The following FOXJ3 variants were observed in gnomAD, a reference collection of about 807,000 sequenced individuals.
FOXJ3 encodes forkhead box J3, also known as forkhead box protein J3.
A neutral mutation model predicts 76.1 loss-of-function variants in FOXJ3; 22 were observed. The ratio of observed to expected loss-of-function variants is 0.29; its 90% confidence interval spans 0.21 to 0.41. The LOEUF is 0.41. FOXJ3 is among the 10% of genes least tolerant of loss of function. FOXJ3 has a pLI of 1.00. For missense variants in FOXJ3, 613 were observed against 762.1 expected (o/e 0.80, Z 2.30); for synonymous variants, 269 against 261.2 (o/e 1.03, Z -0.29).
At chr1:42,181,831 T>C in intron 12 of FOXJ3, 86 bp downstream of exon 12, 1 of 799,302 alleles carries the variant, frequency 1.3e-6, no homozygotes, top group Non-Finnish European at 2.0e-6. Context: ...ACACACACTC[T>C]CTCTCTCACC....
chr1:42,226,631 C>T (rs1647596992), intron 5 of FOXJ3, among the ~76,000 whole-genome samples: 1 of 152,232 alleles, frequency 6.6e-6, no homozygotes, highest in South Asian at 2.1e-4. Flanking sequence ...TTTTGTCTAG[C>T]TCTGTTACCA....
intron 7 of FOXJ3, among the ~76,000 whole-genome samples, chr1:42,197,084 G>A (rs1298627269): frequency 6.6e-6 from 1 of 152,128 alleles, no homozygotes; most frequent in African/African-American, 2.4e-5. Context: ...TGCATATCAA[G>A]GAACGTCTTT....
intron 6 of FOXJ3, among the ~76,000 whole-genome samples, chr1:42,200,403 C>T (rs1375589525): frequency 6.6e-6 from 1 of 152,072 alleles, no homozygotes; most frequent in Non-Finnish European, 1.5e-5. Flanking sequence ...TTTTGTGCAA[C>T]AGAGCTTTAT....
At chr1:42,297,833 C>T (rs1475654137) in intron 2 of FOXJ3, among the ~76,000 whole-genome samples, 2 of 152,164 alleles carry the variant, frequency 1.3e-5, no homozygotes, top group Non-Finnish European at 2.9e-5. Flanking sequence ...AGGAATTACT[C>T]CTCCTCAATT....
chr1:42,322,657 C>T (rs987449159), intron 1 of FOXJ3, among the ~76,000 whole-genome samples: 7 of 151,890 alleles, frequency 4.6e-5, no homozygotes, highest in Middle Eastern at 3.2e-3. Context: ...CTAAGGATGA[C>T]TAGTACTTCT....
At chr1:42,324,328 T>C (rs1655694094) in intron 1 of FOXJ3, among the ~76,000 whole-genome samples, 1 of 133,246 alleles carries the variant, frequency 7.5e-6, no homozygotes. Context: ...ACGAGATATA[T>C]AACATATACA....
intron 4 of FOXJ3, among the ~76,000 whole-genome samples, chr1:42,256,906 A>G (rs898321557): frequency 6.6e-6 from 1 of 152,252 alleles, no homozygotes; most frequent in African/African-American, 2.4e-5. Flanking sequence ...AACAAGTGAT[A>G]TATGTAGCAG....
At chr1:42,249,926 A>T (rs1306911117) in intron 4 of FOXJ3, among the ~76,000 whole-genome samples, 4 of 152,224 alleles carry the variant, frequency 2.6e-5, no homozygotes, top group Non-Finnish European at 5.9e-5. Flanking sequence ...TTATACTGAA[A>T]TGTGAGCTGG....
intron 2 of FOXJ3, among the ~76,000 whole-genome samples, chr1:42,294,150 C>T (rs1036019946): frequency 1.3e-5 from 2 of 152,136 alleles, no homozygotes; most frequent in African/African-American, 4.8e-5. Flanking sequence ...CCATTCAATA[C>T]CCAATGATCA....
chr1:42,223,529 A>G (rs1172458200), intron 5 of FOXJ3, among the ~76,000 whole-genome samples: 1 of 152,186 alleles, frequency 6.6e-6, no homozygotes, highest in African/African-American at 2.4e-5. Context: ...TGTGTCTCCA[A>G]GTGGAACATC....
chr1:42,198,002 C>T (rs1010217047), intron 7 of FOXJ3, among the ~76,000 whole-genome samples: 4 of 151,636 alleles, frequency 2.6e-5, no homozygotes, highest in African/African-American at 4.8e-5. Flanking sequence ...ATTTTCAATC[C>T]AATGTTTGGT....
intron 6 of FOXJ3, among the ~76,000 whole-genome samples, chr1:42,200,818 A>T (rs1311557080): frequency 6.6e-6 from 1 of 151,846 alleles, no homozygotes; most frequent in Non-Finnish European, 1.5e-5. Context: ...GGTCATTTAG[A>T]TTCTCATTTT....
intron 4 of FOXJ3, among the ~76,000 whole-genome samples, chr1:42,257,737 CAA>C (rs10660267): frequency 7.6e-6 from 1 of 131,982 alleles, no homozygotes. Flanking sequence ...GACTCTGTCT[CAA>C]AAAAAAAAAA....
At chr1:42,187,539 C>T (rs781087830) in intron 11 of FOXJ3, among the ~76,000 whole-genome samples, 20 of 152,028 alleles carry the variant, frequency 1.3e-4, no homozygotes, top group Non-Finnish European at 2.5e-4. Flanking sequence ...AAAGAAGACA[C>T]GCTGTCCATC....
chr1:42,180,202 G>A (rs939926293), intron 12 of FOXJ3, among the ~76,000 whole-genome samples: 1 of 152,202 alleles, frequency 6.6e-6, no homozygotes, highest in African/African-American at 2.4e-5. Flanking sequence ...TGGCTCCCAT[G>A]AGAATGGTAA....
chr1:42,238,139 T>G (rs1648846594), intron 4 of FOXJ3, among the ~76,000 whole-genome samples: 1 of 152,010 alleles, frequency 6.6e-6, no homozygotes, highest in African/African-American at 2.4e-5. Context: ...TTCAAGCAAT[T>G]CTCCCACCTC....
At chr1:42,235,141 T>G (rs1392762006) in intron 4 of FOXJ3, among the ~76,000 whole-genome samples, 1 of 152,328 alleles carries the variant, frequency 6.6e-6, no homozygotes, top group Admixed American at 6.5e-5. Context: ...GCCTTGCAGT[T>G]TGATCTCAGA....
intron 1 of FOXJ3, among the ~76,000 whole-genome samples, chr1:42,326,798 C>A (rs1475018325): frequency 6.6e-6 from 1 of 152,092 alleles, no homozygotes; most frequent in African/African-American, 2.4e-5. Flanking sequence ...CCAAGTAGGC[C>A]AGGTCCTTTG....
chr1:42,335,290 T>G (rs944606625), upstream of FOXJ3: 1 of 151,838 alleles, frequency 6.6e-6, no homozygotes, highest in Non-Finnish European at 1.5e-5. Flanking sequence ...GCGGCGTCGC[T>G]GCGCCGCCGG....
Sources: gnomAD v4.1 joint callset for allele counts (sites outside exome capture counted in the v4.1 genomes callset) on GRCh38, gnomAD v4.1.1 for gene constraint, MANE v1.5 for transcripts, NCBI Gene and HGNC (gene_info 2026-07-23, HGNC 2026-07-21) for gene names.